Variants in C8orf34 observed in about 807,000 individuals in gnomAD.
C8orf34 encodes the protein chromosome 8 open reading frame 34.
C8orf34 carries 65 observed loss-of-function variants against 68.3 expected under a neutral mutation model. The observed-to-expected ratio is 0.95, with a 90% CI of 0.78 to 1.17. C8orf34 has a LOEUF of 1.17. Among genes scored for constraint, C8orf34 ranks in the 50% most tolerant of loss-of-function variants. The pLI is 0.00. For missense variants in C8orf34, 664 were observed against 655.4 expected (o/e 1.01, Z -0.14); for synonymous variants, 244 against 241.2 (o/e 1.01, Z -0.11).
intron 11 of C8orf34, among the ~76,000 whole-genome samples, chr8:68,782,378 C>T (rs1823701975): frequency 6.6e-6 from 1 of 150,892 alleles, no homozygotes; most frequent in East Asian, 1.9e-4. Flanking sequence ...AAGTTAAAGT[C>T]CTTACAATAA....
intron 7 of C8orf34, among the ~76,000 whole-genome samples, chr8:68,628,014 TA>T (rs761785715): frequency 2.0e-5 from 3 of 152,170 alleles, no homozygotes; most frequent in Non-Finnish European, 4.4e-5. Context: ...TTCCCTAACT[TA>T]ATTAGTCTAA....
chr8:68,529,318 C>T (rs962880084), intron 6 of C8orf34, among the ~76,000 whole-genome samples: 7 of 152,190 alleles, frequency 4.6e-5, no homozygotes, highest in African/African-American at 9.7e-5. Context: ...TGACCTCTGC[C>T]TTCTGAAATT....
intron 1 of C8orf34, among the ~76,000 whole-genome samples, chr8:68,362,541 C>T (rs371718929): frequency 7.2e-5 from 11 of 152,304 alleles, no homozygotes; most frequent in East Asian, 5.8e-4. Context: ...TCCCAGCACG[C>T]GGCTGGAGAT....
chr8:68,723,400 C>A (rs1821729764), intron 10 of C8orf34, among the ~76,000 whole-genome samples: 1 of 152,066 alleles, frequency 6.6e-6, no homozygotes, highest in South Asian at 2.1e-4. Context: ...CTGAACATAT[C>A]CTTGTTTGCC....
chr8:68,408,398 G>T (rs534224179), intron 1 of C8orf34, among the ~76,000 whole-genome samples: 2 of 151,820 alleles, frequency 1.3e-5, no homozygotes, highest in African/African-American at 4.8e-5. Context: ...AACCATCCCC[G>T]CCACACACCC....
chr8:68,655,081 C>T (rs927200486), intron 8 of C8orf34, among the ~76,000 whole-genome samples: 3 of 151,826 alleles, frequency 2.0e-5, no homozygotes, highest in Non-Finnish European at 4.4e-5. Flanking sequence ...CATTTAATAC[C>T]CATTTTGTTG....
chr8:68,438,569 TA>T (rs1468186099), intron 1 of C8orf34: 1 of 152,124 alleles, frequency 6.6e-6, no homozygotes. Context: ...AATCCTAGCT[TA>T]AAACAGCAAT....
intron 7 of C8orf34, among the ~76,000 whole-genome samples, chr8:68,574,708 A>G (rs1381610716): frequency 6.6e-6 from 1 of 152,062 alleles, no homozygotes; most frequent in Non-Finnish European, 1.5e-5. Context: ...ACACATGCAT[A>G]AGAGGTTACT....
intron 2 of C8orf34, among the ~76,000 whole-genome samples, chr8:68,443,614 G>A (rs1040416445): frequency 7.9e-5 from 12 of 151,730 alleles, no homozygotes; most frequent in Non-Finnish European, 1.5e-4. Context: ...CACCATGTTG[G>A]TCAGGATGGT....
intron 7 of C8orf34, among the ~76,000 whole-genome samples, chr8:68,570,139 C>T (rs1432911001): frequency 6.6e-6 from 1 of 152,190 alleles, no homozygotes; most frequent in Non-Finnish European, 1.5e-5. Context: ...AAAACCATTC[C>T]TACAGGGCAC....
chr8:68,811,391 G>T (rs1181086511), intron 12 of C8orf34, among the ~76,000 whole-genome samples: 1 of 152,226 alleles, frequency 6.6e-6, no homozygotes, highest in African/African-American at 2.4e-5. Flanking sequence ...GGATGCCTGG[G>T]TCCAAAGCCG....
At chr8:68,647,242 G>T (rs1231432988) in intron 8 of C8orf34, among the ~76,000 whole-genome samples, 2 of 152,134 alleles carry the variant, frequency 1.3e-5, no homozygotes, top group African/African-American at 4.8e-5. Context: ...ACCGCAAAAA[G>T]ATATTGCCTA....
At chr8:68,706,310 G>A (rs1225534722) in intron 8 of C8orf34, among the ~76,000 whole-genome samples, 2 of 152,200 alleles carry the variant, frequency 1.3e-5, no homozygotes, top group Non-Finnish European at 2.9e-5. Context: ...AGGCAGGGAA[G>A]CAGGAGGGGA....
chr8:68,442,514 A>C (rs1810953703), intron 2 of C8orf34, among the ~76,000 whole-genome samples: 5 of 152,036 alleles, frequency 3.3e-5, no homozygotes, highest in African/African-American at 1.2e-4. Flanking sequence ...TTGTGAGCAA[A>C]CTGCAGGTGA....
intron 10 of C8orf34, among the ~76,000 whole-genome samples, chr8:68,760,792 T>C (rs1823002654): frequency 6.6e-6 from 1 of 152,194 alleles, no homozygotes; most frequent in Non-Finnish European, 1.5e-5. Flanking sequence ...GTGGAAAATA[T>C]CTACCTGAGA....
intron 1 of C8orf34, among the ~76,000 whole-genome samples, chr8:68,400,419 G>A (rs189696355): frequency 2.0e-5 from 3 of 147,472 alleles, no homozygotes; most frequent in African/African-American, 7.3e-5. Flanking sequence ...TTATTGCAAA[G>A]TTCCCCAGCA....
intron 1 of C8orf34, among the ~76,000 whole-genome samples, chr8:68,437,471 A>C (rs1340714078): frequency 6.6e-6 from 1 of 152,036 alleles, no homozygotes; most frequent in Non-Finnish European, 1.5e-5. Flanking sequence ...TTTTCTTTTT[A>C]TTTTCTGGAA....
chr8:68,756,601 T>A (rs933060892), intron 10 of C8orf34, among the ~76,000 whole-genome samples: 3 of 152,158 alleles, frequency 2.0e-5, no homozygotes, highest in African/African-American at 7.2e-5. Context: ...TTAAATAATA[T>A]GTTACTTAAG....
At chr8:68,773,549 C>A (rs539812147) in intron 10 of C8orf34, among the ~76,000 whole-genome samples, 1 of 152,158 alleles carries the variant, frequency 6.6e-6, no homozygotes. Context: ...TACAGGTACA[C>A]CACCAAGCCT....
Sources: gnomAD v4.1 joint callset for allele counts (sites outside exome capture counted in the v4.1 genomes callset) on GRCh38, gnomAD v4.1.1 for gene constraint, MANE v1.5 for transcripts, NCBI Gene and HGNC (gene_info 2026-07-23, HGNC 2026-07-21) for gene names.